TRIM9: variants seen among roughly 807,000 people sequenced by gnomAD.
The protein encoded by TRIM9 is E3 ubiquitin-protein ligase TRIM9.
A neutral mutation model predicts 78.3 loss-of-function variants in TRIM9; 26 were observed. That is an observed-to-expected ratio of 0.33 (90% CI 0.24 to 0.46). The LOEUF is 0.46. Among genes scored for constraint, TRIM9 ranks in the 20% least tolerant of loss-of-function variants. TRIM9 has a pLI of 1.00. For synonymous variants in TRIM9, 398 were observed against 416.5 expected, an observed-to-expected ratio of 0.96 and a Z score of 0.54; for missense variants, 787 against 1,036.4, an observed-to-expected ratio of 0.76 and a Z score of 3.30.
At chr14:51,025,041 T>C (rs572337866) in intron 2 of TRIM9, among the ~76,000 whole-genome samples, 17 of 152,310 alleles carry the variant, frequency 1.1e-4, no homozygotes, top group African/African-American at 3.6e-4. Context: ...AGGAACCAGT[T>C]GGAAAATCAG....
In TRIM9 at chr14:50,993,016, G is replaced by A. The variant is rs536907593; in HGVS notation, c.1603+5034C>T. On this transcript the variant is annotated intron_variant, in intron 7 of 12. Coordinates refer to ENST00000684578, the MANE Select transcript of TRIM9 (RefSeq NM_001387360.1). ...CAGTTAGGACAGGCAGGGCTGGAAA[G>A]CTTCTGTGAATAAATGGCTCTGTGA... Among the ~76,000 whole-genome samples the A allele has an allele frequency of 1.8e-4, 27 of 152,306 alleles. No individual in the cohort carries two copies. The South Asian group carries it at 3.1e-3, about 18-fold the overall frequency.
At chr14:51,084,426 C>T (rs1417540280) in intron 1 of TRIM9, among the ~76,000 whole-genome samples, 6 of 152,094 alleles carry the variant, frequency 3.9e-5, no homozygotes, top group African/African-American at 1.2e-4. Context: ...AGAAGGTAGC[C>T]GGATGACACA....
intron 1 of TRIM9, among the ~76,000 whole-genome samples, chr14:51,039,947 T>A (rs1596244376): frequency 6.6e-6 from 1 of 152,036 alleles, no homozygotes; most frequent in South Asian, 2.1e-4. Flanking sequence ...ACTCTAAATT[T>A]AAATTTAGAG....
At chr14:51,006,456 A>C (rs1337048624) in intron 5 of TRIM9, among the ~76,000 whole-genome samples, 1 of 152,246 alleles carries the variant, frequency 6.6e-6, no homozygotes, top group Non-Finnish European at 1.5e-5. Flanking sequence ...TCTGAACTCC[A>C]GCCAATCAAG....
At chr14:51,066,494 C>T (rs2061751498) in intron 1 of TRIM9, among the ~76,000 whole-genome samples, 2 of 152,236 alleles carry the variant, frequency 1.3e-5, no homozygotes, top group Admixed American at 6.5e-5. Context: ...TGTCGCTTCT[C>T]AGTGTCTTTA....
chr14:50,983,126 A>C (rs112763630), intron 9 of TRIM9, among the ~76,000 whole-genome samples, 161 bp from the exon 10 acceptor site: 29 of 152,332 alleles, frequency 1.9e-4, no homozygotes, highest in African/African-American at 6.5e-4. Flanking sequence ...ACCTTTACCC[A>C]CATTTAGTGC....
Position 51,067,139 on chromosome 14 carries a change from T to C in TRIM9, c.822+26979A>G, listed in dbSNP as rs144198372. Among the ~76,000 whole-genome samples, 629 of 152,310 alleles carry C rather than the reference T, an allele frequency of 4.1e-3. 3 individuals are homozygous for C. The highest frequency in any genetic ancestry group is 0.015 in the African/African-American group (611 of 41,572). On this transcript the variant is annotated intron_variant, in intron 1 of 12. Transcript: ENST00000684578. ...AAATTTAACTTGGACAAAAAACAAC[T>C]ATTAATATTTCCTCCCTCAACATGT... is the stretch of plus-strand genomic sequence containing the variant.
chr14:51,001,218 TG>T (rs765041137), intron 5 of TRIM9, among the ~76,000 whole-genome samples: 13 of 148,852 alleles, frequency 8.7e-5, no homozygotes, highest in Non-Finnish European at 1.8e-4. Context: ...TGCCTGAAGC[TG>T]TGCTAATAAT....
intron 1 of TRIM9, among the ~76,000 whole-genome samples, chr14:51,045,104 C>G (rs2059852761): frequency 6.6e-6 from 1 of 152,096 alleles, no homozygotes; most frequent in African/African-American, 2.4e-5. Context: ...GGGAGCTGTT[C>G]AAGACTCATT....
chr14:51,094,026 G>A, intron 1 of TRIM9, 92 bp downstream of exon 1: 1 of 1,320,520 alleles, frequency 7.6e-7, no homozygotes, highest in Non-Finnish European at 1.1e-6. Context: ...CCCCCACTGG[G>A]ATGCGCTGTG....
intron 12 of TRIM9, chr14:50,979,139 A>C (rs1219750935): frequency 1.4e-6 from 2 of 1,407,572 alleles, no homozygotes; most frequent in East Asian, 5.0e-5. Context: ...TTAGCCAACC[A>C]TGAAGAGAAT....
In TRIM9 at chr14:50,981,788, G is replaced by T. The variant is rs564446563; in HGVS notation, c.2162+12C>A. Reference sequence around the variant, plus strand: ...AACGTGAAGAAGGCTTGGTTTGGGGGCTGCAGGGTACCTGTTGGTGTGCGA... The same window carrying T: ...AACGTGAAGAAGGCTTGGTTTGGGGTCTGCAGGGTACCTGTTGGTGTGCGA... On this transcript the variant is annotated intron_variant, in intron 11 of 12. Coordinates refer to ENST00000684578, the MANE Select transcript of TRIM9 (RefSeq NM_001387360.1). The T allele has an allele frequency of 1.2e-5, 19 of 1,613,120 alleles. No individual in the cohort carries two copies. Among genetic ancestry groups the T allele is most frequent in the Non-Finnish European group, 1.5e-5 (18 of 1,179,244 alleles).
intron 5 of TRIM9, 147 bp from the exon 6 acceptor site, chr14:51,000,987 T>A: frequency 1.1e-6 from 1 of 910,800 alleles, no homozygotes; most frequent in Non-Finnish European, 1.6e-6. Context: ...CTTCACAGAG[T>A]CCCCAGGAGT....
In TRIM9 at chr14:51,077,981, T is replaced by C. The variant is rs185646213; in HGVS notation, c.822+16137A>G. Among the ~76,000 whole-genome samples the C allele has an allele frequency of 3.9e-5, 6 of 152,354 alleles. No individual in the cohort carries two copies. The East Asian group carries it at 1.2e-3, about 29-fold the overall frequency. On this transcript the variant is annotated intron_variant, in intron 1 of 12. Transcript: ENST00000684578. ...CAAACTAGAAATCTCCCTCACTGTG[T>C]GAACGACCCAATTGAGCAACCAAGT... is the stretch of plus-strand genomic sequence containing the variant.
chr14:51,045,491 G>C (rs1420228188), intron 1 of TRIM9, among the ~76,000 whole-genome samples: 1 of 152,240 alleles, frequency 6.6e-6, no homozygotes, highest in Non-Finnish European at 1.5e-5. Flanking sequence ...GTTTCAGTTG[G>C]AGTATTGTAG....
chr14:51,078,130 C>CCT (rs1333863050), intron 1 of TRIM9, among the ~76,000 whole-genome samples: 1 of 152,148 alleles, frequency 6.6e-6, no homozygotes, highest in African/African-American at 2.4e-5. Context: ...CTCACTCAGC[C>CCT]TATGTCAGGC....
chr14:50,992,556 A>G (rs960783084), intron 7 of TRIM9, among the ~76,000 whole-genome samples: 2 of 151,916 alleles, frequency 1.3e-5, no homozygotes, highest in Non-Finnish European at 2.9e-5. Flanking sequence ...TAGGTGACAG[A>G]GTGAGACTCT....
chr14:51,095,018 C>A lies in TRIM9; in HGVS notation c.-79G>T. The A allele has an allele frequency of 8.8e-7, 1 of 1,141,468 alleles. No homozygotes were observed. Among genetic ancestry groups the A allele is most frequent in the Non-Finnish European group, 1.1e-6 (1 of 871,542 alleles). 70.7% of individuals were successfully genotyped at this position (1,141,468 alleles called of 1,614,324 possible). A position where few individuals can be genotyped will look rare whatever the true frequency, so the allele number is the denominator to read the frequency against. The stretch of plus-strand genomic sequence containing the variant: ...GAGGTGGCCGACGGGCCCGTCTTGT[C>A]CAGCACCCTGGCCAGCGGCGGCGGC... On this transcript the variant is annotated 5_prime_UTR_variant, in exon 1 of 13. Transcript: ENST00000684578.
At chr14:50,990,655 G>T (rs150465475) in intron 7 of TRIM9, among the ~76,000 whole-genome samples, 1 of 152,298 alleles carries the variant, frequency 6.6e-6, no homozygotes, top group East Asian at 1.9e-4. Context: ...CTAATCCAGT[G>T]CCCTCTGTGT....
Sources: allele counts gnomAD v4.1 joint callset (sites outside exome capture counted in the v4.1 genomes callset), GRCh38; gene constraint gnomAD v4.1.1; transcripts MANE v1.5; gene names NCBI Gene and HGNC (gene_info 2026-07-23, HGNC 2026-07-21).